Variants in ZNF506 observed in about 807,000 individuals in gnomAD.
ZNF506 encodes zinc finger protein 506.
In ZNF506, 10 loss-of-function variants were observed where a neutral mutation model predicts 11.6. That is an observed-to-expected ratio of 0.86 (90% CI 0.53 to 1.46). The LOEUF is 1.46. Ranked by LOEUF, ZNF506 falls within the 40% of genes most tolerant of loss-of-function variation. The probability of loss-of-function intolerance (pLI) is 0.00; values close to 1 mark genes in which losing one functional copy is unlikely to be tolerated. For missense variants in ZNF506, 425 were observed against 521.2 expected (o/e 0.82, Z 1.80); for synonymous variants, 156 against 173.3 (o/e 0.90, Z 0.78).
intron 3 of ZNF506, among the ~76,000 whole-genome samples, chr19:19,801,733 G>A (rs993391834): frequency 4.7e-4 from 71 of 151,992 alleles, no homozygotes; most frequent in African/African-American, 1.6e-3. Flanking sequence ...GGAGGTTGCA[G>A]TGAGCCGAGA....
rs1286314331 is a variant in ZNF506, at chr19:19,794,735, T to TA, written c.1151dup (p.Thr385AsnfsTer2). ...CAGTATGAATTATCTTATGTTCAGT[T>TA]AGAGTTGAGAATGCAGTAAAGGCTT... On this transcript the variant is annotated frameshift_variant, in exon 4 of 4. Transcript: ENST00000540806. LOFTEE classifies it low-confidence loss of function (END_TRUNC). The TA allele has an allele frequency of 1.1e-5, 17 of 1,612,760 alleles. No homozygotes were observed. The highest frequency in any genetic ancestry group is 1.7e-5 in the Admixed American group (1 of 59,924).
At chr19:19,821,471 CT>C (rs1568482951) in intron 1 of ZNF506, 129 bp downstream of exon 1, 2 of 1,257,308 alleles carry the variant, frequency 1.6e-6, no homozygotes, top group Non-Finnish European at 2.3e-6. Context: ...GCAATGAGAA[CT>C]TGGAGCGCAG....
intron 1 of ZNF506, among the ~76,000 whole-genome samples, chr19:19,817,477 TAAC>T (rs969115928): frequency 2.6e-5 from 4 of 150,964 alleles, no homozygotes; most frequent in Non-Finnish European, 5.9e-5. Context: ...CTCAAAACAA[TAAC>T]AACTTCATCA....
At chr19:19,810,032 A>G (rs1282038181) in intron 1 of ZNF506, among the ~76,000 whole-genome samples, 2 of 152,226 alleles carry the variant, frequency 1.3e-5, no homozygotes, top group Non-Finnish European at 2.9e-5. Context: ...TAAGCTAAGC[A>G]TTGCCTCTCA....
At chr19:19,802,376 A>G (rs2145183213) in intron 3 of ZNF506, among the ~76,000 whole-genome samples, 1 of 152,326 alleles carries the variant, frequency 6.6e-6, no homozygotes, top group South Asian at 2.1e-4. Flanking sequence ...TTTAATAAAT[A>G]ACCATTTAAA....
intron 2 of ZNF506, 64 bp downstream of exon 2, chr19:19,806,878 T>A: frequency 6.4e-7 from 1 of 1,551,310 alleles, no homozygotes; most frequent in Non-Finnish European, 8.7e-7. Flanking sequence ...AAAAACATTC[T>A]ACAAAAAAGA....
intron 1 of ZNF506, among the ~76,000 whole-genome samples, chr19:19,812,660 T>G (rs2062892190): frequency 6.6e-6 from 1 of 152,230 alleles, no homozygotes; most frequent in Non-Finnish European, 1.5e-5. Flanking sequence ...TTCTGTACAT[T>G]CTCTATCCAA....
In ZNF506 at chr19:19,795,014, G is replaced by A. The variant is rs367665374; in HGVS notation, c.873C>T (p.Gly291=). 9.4e-5 allele frequency: 152 copies of A among 1,613,528 alleles called. No homozygotes were observed. Among genetic ancestry groups the A allele is most frequent in the Non-Finnish European group, 1.2e-4 (145 of 1,179,940 alleles). The change falls in exon 4 of 4, where the codon GGC becomes GGT. Residue 291 remains glycine (G), a synonymous_variant. Coordinates refer to ENST00000540806, the MANE Select transcript of ZNF506 (RefSeq NM_001099269.3). ...GGGTTGAGGATGAAATAAAGGCTTT[G>A]CCACATTTATCACACTTGTATGGTT... ...GEKPYKCDKC[G]KAFISSSTLT... is the part of the protein sequence containing the mutation.
chr19:19,796,438 C>G (rs1203714002), intron 3 of ZNF506: 1 of 151,792 alleles, frequency 6.6e-6, no homozygotes, highest in Non-Finnish European at 1.5e-5. Context: ...GAGTCTCGCT[C>G]TGTCTCCCAG....
At position 19,799,279 on chromosome 19, in the gene ZNF506, C is replaced by T. The variant is rs184387484; in HGVS notation, c.227-3619G>A. 5.4e-5 allele frequency: 22 copies of T among 403,752 alleles called. No homozygotes were observed. In the East Asian group the frequency reaches 7.7e-4, roughly 14 times the overall value. The allele number at this position is 403,752 out of a possible 1,614,324, so 25.0% of individuals were successfully genotyped here. A position where few individuals can be genotyped will look rare whatever the true frequency, so the allele number is the denominator to read the frequency against. On this transcript the variant is annotated intron_variant, in intron 3 of 3. Transcript: ENST00000540806. ...ATAATTATAGTAGGATATTTCAATA[C>T]CCCACTTTCTGTAATAATAATAAAA...
chr19:19,793,031 T>C lies in ZNF506; in HGVS notation c.*1521A>G, dbSNP rs1185146407. Among the ~76,000 whole-genome samples the C allele has an allele frequency of 6.6e-6, 1 of 152,174 alleles. No homozygotes were observed. The highest frequency in any genetic ancestry group is 1.9e-4 in the East Asian group (1 of 5,208). On this transcript the variant is annotated 3_prime_UTR_variant, in exon 4 of 4. Transcript: ENST00000540806. ...ATATCCCTGATGCAGCAACAATTGA[T>C]CACATGCTTTCACATGTGACCACAA...
intron 1 of ZNF506, among the ~76,000 whole-genome samples, chr19:19,817,316 C>T (rs2145207917): frequency 6.6e-6 from 1 of 152,250 alleles, no homozygotes; most frequent in Non-Finnish European, 1.5e-5. Flanking sequence ...TTGTTTGCAC[C>T]TCCCTAGGAA....
chr19:19,806,623 G>A (rs1404740289), intron 2 of ZNF506, among the ~76,000 whole-genome samples: 4 of 152,116 alleles, frequency 2.6e-5, no homozygotes, highest in Non-Finnish European at 4.4e-5. Flanking sequence ...TTACTACTGG[G>A]TTCTACTAAA....
At chr19:19,819,269 T>G (rs2062953353) in intron 1 of ZNF506, among the ~76,000 whole-genome samples, 1 of 152,010 alleles carries the variant, frequency 6.6e-6, no homozygotes, top group Non-Finnish European at 1.5e-5. Context: ...AAATTATTTG[T>G]TTTCCCCTCA....
chr19:19,817,323 GGAAA>G lies in ZNF506; in HGVS notation c.3+4274_3+4277del, dbSNP rs1374492259. On this transcript the variant is annotated intron_variant, in intron 1 of 3. Coordinates refer to ENST00000540806, the MANE Select transcript of ZNF506 (RefSeq NM_001099269.3). ...TTCTAATCTTGTTTGCACCTCCCTA[GGAAA>G]GAAAGTGTTTTTCTGCCTACACCTT... is the stretch of plus-strand genomic sequence containing the variant. Among the ~76,000 whole-genome samples the G allele has an allele frequency of 2.6e-5, 4 of 152,084 alleles. No homozygotes were observed. In the Middle Eastern group the frequency reaches 0.014, roughly 517 times the overall value.
At position 19,794,591 on chromosome 19, in the gene ZNF506, A is replaced by G. The variant is rs549417643; in HGVS notation, c.1296T>C (p.Asn432=). The change falls in exon 4 of 4, where the codon AAT becomes AAC. Residue 432 remains asparagine (N), a synonymous_variant. Coordinates refer to ENST00000540806, the MANE Select transcript of ZNF506 (RefSeq NM_001099269.3). ...QKPCIVKNVE[N]LLNVPQPLIS... ...TTAAGGGTTGAGGAACATTTAAAAG[A>G]TTTTCCACATTCTTCACTATGCAGG... is the stretch of plus-strand genomic sequence containing the variant. 2 of 1,603,950 alleles carry G rather than the reference A, an allele frequency of 1.2e-6. No homozygotes were observed. Among genetic ancestry groups the G allele is most frequent in the South Asian group, 2.2e-5 (2 of 89,526 alleles).
intron 1 of ZNF506, among the ~76,000 whole-genome samples, chr19:19,815,751 A>G (rs72620575): frequency 0.16 from 24,636 of 152,218 alleles, 2,418 homozygotes; most frequent in East Asian, 0.44. Context: ...ACAAACCCCA[A>G]GGGCCCATCT....
intron 1 of ZNF506, among the ~76,000 whole-genome samples, chr19:19,808,448 G>A (rs1020717553): frequency 6.6e-6 from 1 of 151,226 alleles, no homozygotes; most frequent in Non-Finnish European, 1.5e-5. Context: ...ACTGCACTAG[G>A]ACAAATTTTT....
Position 19,794,736 on chromosome 19 carries a change from A to G in ZNF506, c.1151T>C (p.Leu384Pro). The G allele has an allele frequency of 6.2e-7, 1 of 1,613,980 alleles. No individual in the cohort carries two copies. The highest frequency in any genetic ancestry group is 8.5e-7 in the Non-Finnish European group (1 of 1,179,994). ...AGTATGAATTATCTTATGTTCAGTTAGAGTTGAGAATGCAGTAAAGGCTTT... is the reference window on the plus strand; with the variant it reads ...AGTATGAATTATCTTATGTTCAGTTGGAGTTGAGAATGCAGTAAAGGCTTT... ...CGKAFTAFST[L>P]TEHKIIHTGE... The change falls in exon 4 of 4, where the codon CTA becomes CCA. Residue 384 changes from leucine to proline, a missense_variant. Transcript: ENST00000540806.
Sources: gnomAD v4.1 joint callset for allele counts (sites outside exome capture counted in the v4.1 genomes callset) on GRCh38, gnomAD v4.1.1 for gene constraint, MANE v1.5 for transcripts, NCBI Gene and HGNC (gene_info 2026-07-23, HGNC 2026-07-21) for gene names.